The following PCDHGA4 variants were observed in gnomAD, a reference collection of about 807,000 sequenced individuals.
PCDHGA4 encodes the protein protocadherin gamma-A4.
Under a neutral mutation model 54.6 loss-of-function variants are expected in PCDHGA4, and 38 were observed. The observed-to-expected ratio is 0.70, with a 90% CI of 0.54 to 0.91. The LOEUF (loss-of-function observed/expected upper bound fraction) is 0.91. PCDHGA4 is among the 40% of genes least tolerant of loss of function. The pLI, the probability that PCDHGA4 is intolerant of heterozygous loss-of-function variation, is 0.00. For synonymous variants in PCDHGA4, 511 were observed against 512.9 expected (o/e 1.00, Z 0.05); for missense variants, 1,298 against 1,220.9 (o/e 1.06, Z -0.94).
chr5:141,386,155 C>G (rs763846568), intron 1 of PCDHGA4, among the ~76,000 whole-genome samples: 1 of 152,160 alleles, frequency 6.6e-6, no homozygotes, highest in Non-Finnish European at 1.5e-5. Flanking sequence ...AACTGTCTCA[C>G]GTACTCAAAC....
rs17097234 is a variant in PCDHGA4, at chr5:141,362,611, G to A, written c.2514+4990G>A. The A allele has an allele frequency of 3.3e-3, 5,121 of 1,555,416 alleles. 139 individuals are homozygous for A. The African/African-American group carries it at 0.064, about 19-fold the overall frequency. On this transcript the variant is annotated intron_variant, in intron 1 of 3. Coordinates refer to ENST00000571252, the MANE Select transcript of PCDHGA4 (RefSeq NM_018917.4). ...TGGTTTTATTGTTTCACCTAATTTG[G>A]GTAGGAAGTTCCACTGCGTATTTCT...
At chr5:141,361,775 G>A (rs1435917865) in intron 1 of PCDHGA4, 1 of 1,613,226 alleles carries the variant, frequency 6.2e-7, no homozygotes, top group South Asian at 1.1e-5. Context: ...GCCAACGTGA[G>A]CCTGCGCGTG....
chr5:141,375,785 C>G, intron 1 of PCDHGA4: 1 of 1,614,256 alleles, frequency 6.2e-7, no homozygotes, highest in Non-Finnish European at 8.5e-7. Context: ...CCCCGCCCTC[C>G]CCACAGACGG....
intron 1 of PCDHGA4, chr5:141,415,906 A>C (rs2154546200): frequency 1.3e-6 from 1 of 784,990 alleles, no homozygotes; most frequent in East Asian, 3.5e-5. Context: ...ACAGACTTCC[A>C]TACAGAAGTG....
At chr5:141,391,869 T>A (rs2092430763) in intron 1 of PCDHGA4, 2 of 152,218 alleles carry the variant, frequency 1.3e-5, no homozygotes, top group Admixed American at 1.3e-4. Flanking sequence ...AATTTAATCA[T>A]CTCTTTGGTG....
At chr5:141,457,280 A>T (rs964027392) in intron 1 of PCDHGA4, among the ~76,000 whole-genome samples, 1 of 152,196 alleles carries the variant, frequency 6.6e-6, no homozygotes, top group Non-Finnish European at 1.5e-5. Flanking sequence ...TGGGCCTACG[A>T]AGTTCCTTGG....
rs1234761441 is a variant in PCDHGA4 at position 141,356,878 on chromosome 5, C to T, written c.1771C>T (p.Pro591Ser). ...LFVLDQNDNV[P>S]EILYPTFPTD... ...TGTGCTGGACCAGAACGACAATGTC[C>T]CTGAGATCCTGTACCCCACCTTCCC... The change falls in exon 1 of 4, where the codon CCT (proline) becomes TCT (serine). Residue 591 changes from proline to serine, a missense_variant. By Grantham distance (74) the Pro-to-Ser change is moderately conservative (BLOSUM62 -1). Transcript: ENST00000571252. 6.2e-7 allele frequency: 1 copy of T among 1,614,224 alleles called. No homozygotes were observed. The highest frequency in any genetic ancestry group is 1.3e-5 in the African/African-American group (1 of 75,056).
intron 1 of PCDHGA4, among the ~76,000 whole-genome samples, chr5:141,443,466 A>G (rs1402303157): frequency 6.6e-6 from 1 of 152,184 alleles, no homozygotes; most frequent in East Asian, 1.9e-4. Flanking sequence ...AGTCTGGGTG[A>G]CAGAATTAGA....
rs375810500 is a variant in PCDHGA4, at chr5:141,364,577, A to G, written c.2514+6956A>G. On this transcript the variant is annotated intron_variant, in intron 1 of 3. Coordinates refer to ENST00000571252, the MANE Select transcript of PCDHGA4 (RefSeq NM_018917.4). ...TTTTGCCCTGAACCCGCGAAGCGGCAGCTTGGTCACCGCGGGCAGGATAGA... is the reference window on the plus strand; with the variant it reads ...TTTTGCCCTGAACCCGCGAAGCGGCGGCTTGGTCACCGCGGGCAGGATAGA... The G allele has an allele frequency of 2.9e-4, 467 of 1,614,196 alleles. No individual in the cohort carries two copies. The highest frequency in any genetic ancestry group is 3.9e-4 in the Non-Finnish European group (459 of 1,179,998).
rs1318842373 is a variant in PCDHGA4 at position 141,361,452 on chromosome 5, C to T, written c.2514+3831C>T. 2.3e-5 allele frequency: 37 copies of T among 1,613,918 alleles called. 1 individual carries two copies. The highest frequency in any genetic ancestry group is 2.9e-5 in the Non-Finnish European group (34 of 1,179,910). On this transcript the variant is annotated intron_variant, in intron 1 of 3. Coordinates refer to ENST00000571252, the MANE Select transcript of PCDHGA4 (RefSeq NM_018917.4). The stretch of plus-strand genomic sequence containing the variant: ...CCCTCTCCTCCAGCATAATTGTCAC[C>T]CTGCACATCTCCGACGTCAACGATA...
At chr5:141,404,816 C>A in intron 1 of PCDHGA4, 1 of 1,610,374 alleles carries the variant, frequency 6.2e-7, no homozygotes, top group Non-Finnish European at 8.5e-7. Flanking sequence ...GGTGGGGCTG[C>A]ACACAGGTGA....
At position 141,487,763 on chromosome 5, in the gene PCDHGA4, G is replaced by A; in HGVS notation, c.2515-7044G>A. ...AAGAGGTAACTATGTGGTAGACGCT[G>A]TGCTTTGTAACTGTTTCGTGAATTA... On this transcript the variant is annotated intron_variant, in intron 1 of 3. Coordinates refer to ENST00000571252, the MANE Select transcript of PCDHGA4 (RefSeq NM_018917.4). This position sits in a 1 kb window ranked among gnomAD's most constrained non-coding sequence, Gnocchi z 5.0. 6.5e-7 allele frequency: 1 copy of A among 1,544,968 alleles called. No homozygotes were observed. The highest frequency in any genetic ancestry group is 1.2e-5 in the South Asian group (1 of 83,382).
chr5:141,404,325 C>G (rs762306578), intron 1 of PCDHGA4: 7 of 1,613,876 alleles, frequency 4.3e-6, no homozygotes, highest in Non-Finnish European at 5.9e-6. Flanking sequence ...GCCTCCTACT[C>G]AGTCTACCTC....
intron 1 of PCDHGA4, chr5:141,427,507 T>A: frequency 1.7e-6 from 1 of 584,928 alleles, no homozygotes; most frequent in Non-Finnish European, 3.2e-6. Context: ...GATGGGACCC[T>A]GGATTGGGAG....
At chr5:141,377,665 G>A (rs1040007479) in intron 1 of PCDHGA4, 1 of 151,618 alleles carries the variant, frequency 6.6e-6, no homozygotes, top group Non-Finnish European at 1.5e-5. Flanking sequence ...AACGACAGAC[G>A]TTCATACAAG....
intron 1 of PCDHGA4, among the ~76,000 whole-genome samples, chr5:141,452,578 C>T (rs2098744735): frequency 6.6e-6 from 1 of 152,150 alleles, no homozygotes; most frequent in African/African-American, 2.4e-5. Flanking sequence ...TCCCCCTTTC[C>T]ATCTTTGTAT....
In PCDHGA4 at chr5:141,491,419, G is replaced by A. The variant is rs1422517367; in HGVS notation, c.2515-3388G>A. On this transcript the variant is annotated intron_variant, in intron 1 of 3. Coordinates refer to ENST00000571252, the MANE Select transcript of PCDHGA4 (RefSeq NM_018917.4). This position sits in a 1 kb window ranked among gnomAD's most constrained non-coding sequence, Gnocchi z 6.9. ...GGGAAACGCAGACGGGGACGGGGGT[G>A]GAGGGCAGTGCTGCAGGCGCCAGGA... 1 of 1,614,124 alleles carries A rather than the reference G, an allele frequency of 6.2e-7. No individual in the cohort carries two copies.
intron 1 of PCDHGA4, chr5:141,393,362 G>C (rs1377325166): frequency 5.0e-6 from 8 of 1,613,978 alleles, no homozygotes; most frequent in Non-Finnish European, 6.8e-6. Context: ...TGGACGTGCA[G>C]ACTGGAGACA....
intron 2 of PCDHGA4, among the ~76,000 whole-genome samples, chr5:141,499,115 C>G (rs940275925): frequency 6.6e-6 from 1 of 152,124 alleles, no homozygotes; most frequent in Non-Finnish European, 1.5e-5. Flanking sequence ...CACCACTATC[C>G]CTTCTCAGGT....
Sources: gnomAD v4.1 joint callset for allele counts (sites outside exome capture counted in the v4.1 genomes callset) on GRCh38, gnomAD v4.1.1 for gene constraint, Gnocchi (gnomAD v3.1) non-coding constraint, MANE v1.5 for transcripts, NCBI Gene and HGNC (gene_info 2026-07-23, HGNC 2026-07-21) for gene names.